The following SFSWAP variants were observed in gnomAD, a reference collection of about 807,000 sequenced individuals.
SFSWAP encodes the protein splicing factor SWAP.
A neutral mutation model predicts 100.7 loss-of-function variants in SFSWAP; 17 were observed. That is an observed-to-expected ratio of 0.17 (90% confidence interval 0.12 to 0.25). The LOEUF is 0.25. SFSWAP is among the 10% of genes least tolerant of loss of function. The pLI is 1.00. For missense variants in SFSWAP, 1,005 were observed against 1,262.6 expected, an observed-to-expected ratio of 0.80 and a Z score of 3.09; for synonymous variants, 504 against 510.1, an observed-to-expected ratio of 0.99 and a Z score of 0.16.
intron 11 of SFSWAP, among the ~76,000 whole-genome samples, chr12:131,760,199 G>A (rs1056267178): frequency 5.3e-5 from 8 of 152,216 alleles, no homozygotes; most frequent in Non-Finnish European, 1.2e-4. Context: ...GTAAATCATA[G>A]GGAAAGATTG....
chr12:131,759,635 T>C, intron 11 of SFSWAP, among the ~76,000 whole-genome samples: 1 of 148,560 alleles, frequency 6.7e-6, no homozygotes, highest in African/African-American at 2.5e-5. Flanking sequence ...CCGTCTCTAC[T>C]AAAAATAAAA....
At chr12:131,790,132 C>G (rs2136275574) in intron 15 of SFSWAP, among the ~76,000 whole-genome samples, 1 of 152,334 alleles carries the variant, frequency 6.6e-6, no homozygotes, top group South Asian at 2.1e-4. Flanking sequence ...GTTTAAATCT[C>G]ACCGTGGACT....
rs1386596184 is a variant in SFSWAP at position 131,794,416 on chromosome 12, C to T, written c.2535-2762C>T. ...GCCATTTGTGGTGGCGTCTGCCTGT[C>T]GTCCCAGCTACTTGGGAGGCTGAGG... is the stretch of plus-strand genomic sequence containing the variant. On this transcript the variant is annotated intron_variant, in intron 15 of 17. Transcript: ENST00000261674. This position sits in a 1 kb window ranked among gnomAD's most constrained non-coding sequence, Gnocchi z 4.8. Among the ~76,000 whole-genome samples the T allele has an allele frequency of 6.6e-6, 1 of 151,114 alleles. No individual in the cohort carries two copies. The highest frequency in any genetic ancestry group is 2.4e-5 in the African/African-American group (1 of 41,040).
intron 7 of SFSWAP, among the ~76,000 whole-genome samples, chr12:131,749,046 G>A (rs1881386812): frequency 6.6e-6 from 1 of 152,232 alleles, no homozygotes; most frequent in Admixed American, 6.5e-5. Flanking sequence ...TTTGCATTCA[G>A]TAGAACATCA....
intron 7 of SFSWAP, among the ~76,000 whole-genome samples, chr12:131,740,900 G>A (rs1475872503): frequency 1.3e-5 from 2 of 151,720 alleles, no homozygotes. Flanking sequence ...CATGAGTGTG[G>A]CAGGGCTTCA....
intron 4 of SFSWAP, among the ~76,000 whole-genome samples, chr12:131,720,088 C>T (rs1267258183): frequency 6.6e-6 from 1 of 152,226 alleles, no homozygotes; most frequent in African/African-American, 2.4e-5. Context: ...CAACTGGTTA[C>T]TGTCTGTTCA....
rs375968082 is a variant in SFSWAP at position 131,799,523 on chromosome 12, G to C, written c.*35G>C. ...AGCGGAGGCAGAGCCGGGAGGCTGC[G>C]TGGGCTTCTGGGCAGGCTCACGCAG... On this transcript the variant is annotated 3_prime_UTR_variant, in exon 18 of 18. Transcript: ENST00000261674. 3.8e-6 allele frequency: 6 copies of C among 1,599,606 alleles called. No homozygotes were observed. Among genetic ancestry groups the C allele is most frequent in the Non-Finnish European group, 3.4e-6 (4 of 1,169,008 alleles).
At chr12:131,722,808 G>A (rs1878602731) in intron 4 of SFSWAP, among the ~76,000 whole-genome samples, 2 of 152,068 alleles carry the variant, frequency 1.3e-5, no homozygotes, top group Non-Finnish European at 2.9e-5. Context: ...AATTAGCCAG[G>A]CGTGGTGGTA....
intron 13 of SFSWAP, among the ~76,000 whole-genome samples, chr12:131,777,345 A>G (rs1254385252): frequency 1.3e-5 from 2 of 151,626 alleles, no homozygotes; most frequent in East Asian, 1.9e-4. Flanking sequence ...TCCTGTGACC[A>G]TGTGTTCTCG....
chr12:131,798,562 AAC>A (rs1008988411), intron 16 of SFSWAP, among the ~76,000 whole-genome samples: 2 of 152,232 alleles, frequency 1.3e-5, no homozygotes, highest in African/African-American at 2.4e-5. Flanking sequence ...AGATGAGTAT[AAC>A]ACAGCATGTT....
chr12:131,761,390 C>G (rs978656743), intron 11 of SFSWAP, among the ~76,000 whole-genome samples: 1 of 152,228 alleles, frequency 6.6e-6, no homozygotes, highest in African/African-American at 2.4e-5. Context: ...CGTCCTCCAC[C>G]GCCTAGGAGA....
In SFSWAP at chr12:131,792,658, C is replaced by T. The variant is rs148468592; in HGVS notation, c.2535-4520C>T. Among the ~76,000 whole-genome samples, 181 of 152,334 alleles carry T rather than the reference C, an allele frequency of 1.2e-3. 1 individual carries two copies. Among genetic ancestry groups the T allele is most frequent in the African/African-American group, 4.0e-3 (165 of 41,554 alleles). On this transcript the variant is annotated intron_variant, in intron 15 of 17. Transcript: ENST00000261674. The stretch of plus-strand genomic sequence containing the variant: ...ACTGGTGCACATGCATGTGTGTTCA[C>T]AGACCAGTGCTGTGTGTGCCCATAA...
intron 10 of SFSWAP, 33 bp downstream of exon 10, chr12:131,755,512 T>A (rs759004873): frequency 2.0e-6 from 3 of 1,496,698 alleles, no homozygotes. Context: ...GCTGTGAAGC[T>A]CTTAGAGGTG....
At chr12:131,765,463 A>G (rs558436978) in intron 12 of SFSWAP, among the ~76,000 whole-genome samples, 4 of 152,278 alleles carry the variant, frequency 2.6e-5, no homozygotes, top group African/African-American at 9.6e-5. Flanking sequence ...AGCCTGGCCA[A>G]CATGGTGAGA....
At chr12:131,755,263 G>A (rs1453660877) in intron 9 of SFSWAP, 123 bp from the exon 10 acceptor site, 3 of 695,846 alleles carry the variant, frequency 4.3e-6, no homozygotes, top group South Asian at 3.6e-5. Context: ...AAGATGAGTA[G>A]CTAAAACAGT....
chr12:131,743,436 T>A (rs1220854545), intron 7 of SFSWAP, among the ~76,000 whole-genome samples: 1 of 152,246 alleles, frequency 6.6e-6, no homozygotes, highest in Non-Finnish European at 1.5e-5. Context: ...ACAGGCCCTG[T>A]ACAAGTCCAA....
At chr12:131,771,650 CTTTT>C (rs398021691) in intron 13 of SFSWAP, among the ~76,000 whole-genome samples, 4 of 86,106 alleles carry the variant, frequency 4.6e-5, no homozygotes, top group African/African-American at 4.1e-5. Context: ...GCTAATGTCT[CTTTT>C]TTTTTTTTTT....
intron 1 of SFSWAP, chr12:131,712,927 C>T (rs966642494): frequency 6.6e-5 from 10 of 152,214 alleles, no homozygotes; most frequent in African/African-American, 2.2e-4. Flanking sequence ...GAGCAAACGC[C>T]GCACATGTAC....
At chr12:131,788,930 C>G (rs1233458448) in intron 15 of SFSWAP, among the ~76,000 whole-genome samples, 2 of 152,168 alleles carry the variant, frequency 1.3e-5, no homozygotes, top group Non-Finnish European at 2.9e-5. Flanking sequence ...CAGCACCAGA[C>G]CAAACCCAGG....
Sources: allele counts gnomAD v4.1 joint callset (sites outside exome capture counted in the v4.1 genomes callset), GRCh38; gene constraint gnomAD v4.1.1; non-coding constraint Gnocchi (gnomAD v3.1); transcripts MANE v1.5; gene names NCBI Gene and HGNC (gene_info 2026-07-23, HGNC 2026-07-21).